Variants in HMGN5 observed in about 807,000 individuals in gnomAD.
HMGN5 encodes the protein high mobility group nucleosome-binding domain-containing protein 5.
In HMGN5, 4 loss-of-function variants were observed where a neutral mutation model predicts 9.5. That is an observed-to-expected ratio of 0.42 (90% CI 0.21 to 0.96). The LOEUF (loss-of-function observed/expected upper bound fraction) is 0.96, where lower values mean the gene tolerates loss of function less well. HMGN5 is among the 40% of genes least tolerant of loss of function. HMGN5 has a pLI of 0.30. For synonymous variants in HMGN5, 55 were observed against 57.1 expected, an observed-to-expected ratio of 0.96 and a Z score of 0.16; for missense variants, 192 against 187.5, an observed-to-expected ratio of 1.02 and a Z score of -0.14.
intron 1 of HMGN5, among the ~76,000 whole-genome samples, chrX:81,186,986 T>A (rs1405402089): frequency 8.9e-6 from 1 of 112,015 alleles, no homozygotes; most frequent in African/African-American, 3.2e-5. Context: ...ATTGTTTAAT[T>A]TCCATGTGTT....
intron 1 of HMGN5, among the ~76,000 whole-genome samples, chrX:81,174,968 A>G (rs1348626470): frequency 2.7e-5 from 3 of 111,586 alleles, no homozygotes; most frequent in Non-Finnish European, 5.7e-5. Flanking sequence ...GGGGGGAACA[A>G]CTTAGAATAA....
At chrX:81,138,208 G>T (rs1183428578) in intron 1 of HMGN5, among the ~76,000 whole-genome samples, 3 of 111,559 alleles carry the variant, frequency 2.7e-5, no homozygotes, top group African/African-American at 6.5e-5. Context: ...TAAAACTTTG[G>T]CAAACCTAAT....
intron 1 of HMGN5, among the ~76,000 whole-genome samples, chrX:81,189,713 A>G (rs766051502): frequency 5.8e-4 from 65 of 112,314 alleles, no homozygotes; most frequent in Non-Finnish European, 1.1e-3. Context: ...GTTTCTGTAG[A>G]CATAAGTTTT....
chrX:81,158,576 A>G (rs918605404), intron 1 of HMGN5, among the ~76,000 whole-genome samples: 2 of 112,433 alleles, frequency 1.8e-5, no homozygotes, highest in Non-Finnish European at 3.8e-5. Context: ...CCTTTGTCAG[A>G]TGGATAGGCT....
At chrX:81,178,293 T>A (rs998455551) in intron 1 of HMGN5, among the ~76,000 whole-genome samples, 4 of 109,858 alleles carry the variant, frequency 3.6e-5, no homozygotes, top group Non-Finnish European at 5.7e-5. Context: ...TTTGAAAAGA[T>A]CAACAAAATT....
chrX:81,115,057 T>C lies in HMGN5; in HGVS notation c.441A>G (p.Glu147=). The C allele has an allele frequency of 1.7e-6, 2 of 1,158,298 alleles. No individual in the cohort carries two copies. Among genetic ancestry groups the C allele is most frequent in the Non-Finnish European group, 2.3e-6 (2 of 870,254 alleles). ...QNEEKGEAGK[E]DKDEKGEEDG... is the part of the protein sequence containing the mutation. ...CTTCTTCCCCTTTTTCATCTTTGTC[T>C]TCTTTTCCAGCTTCCCCTTTCTCTT... The change falls in exon 7 of 7, where the codon GAA becomes GAG. Residue 147 remains glutamate (E), a synonymous_variant. Transcript: ENST00000358130.
chrX:81,150,164 A>G (rs773498507), intron 1 of HMGN5, among the ~76,000 whole-genome samples: 99 of 112,591 alleles, frequency 8.8e-4, no homozygotes, highest in African/African-American at 3.0e-3. Context: ...TTAGGTCACA[A>G]AACAAGTTTT....
chrX:81,200,327 A>C (rs1020914462), intron 1 of HMGN5, among the ~76,000 whole-genome samples: 1 of 112,202 alleles, frequency 8.9e-6, no homozygotes, highest in Non-Finnish European at 1.9e-5. Context: ...CTAGACTAGA[A>C]ATGTCATTTG....
chrX:81,148,794 AC>A (rs761403034), intron 1 of HMGN5, among the ~76,000 whole-genome samples: 8 of 111,964 alleles, frequency 7.1e-5, no homozygotes, highest in Admixed American at 9.5e-5. Flanking sequence ...AGAAAAAAAA[AC>A]AATCCCATCA....
At chrX:81,150,495 G>A (rs1425438355) in intron 1 of HMGN5, among the ~76,000 whole-genome samples, 2 of 111,720 alleles carry the variant, frequency 1.8e-5, no homozygotes, top group African/African-American at 6.5e-5. Context: ...GAACCCAGGA[G>A]GCGGAGGTTG....
chrX:81,127,222 T>C (rs1007532523), intron 1 of HMGN5, among the ~76,000 whole-genome samples: 6 of 111,854 alleles, frequency 5.4e-5, no homozygotes, highest in Non-Finnish European at 1.1e-4. Context: ...CCTTAGAAAG[T>C]TCACTAATGC....
At chrX:81,168,958 G>C (rs2075418286) in intron 1 of HMGN5, among the ~76,000 whole-genome samples, 1 of 110,546 alleles carries the variant, frequency 9.0e-6, no homozygotes, top group Middle Eastern at 4.6e-3. Context: ...AAATGAGATT[G>C]GAGTGGTTGT....
intron 1 of HMGN5, among the ~76,000 whole-genome samples, chrX:81,193,482 A>T (rs1300677655): frequency 8.9e-6 from 1 of 112,260 alleles, no homozygotes; most frequent in Non-Finnish European, 1.9e-5. Context: ...ACAAGTAGTC[A>T]CCTCTGTGCC....
chrX:81,132,661 G>A (rs1398048941), intron 1 of HMGN5, among the ~76,000 whole-genome samples: 1 of 111,387 alleles, frequency 9.0e-6, no homozygotes, highest in Non-Finnish European at 1.9e-5. Flanking sequence ...GACTGAAACT[G>A]GACCCCTTCC....
At position 81,185,556 on chromosome X, in the gene HMGN5, G is replaced by A. The variant is rs189888436; in HGVS notation, c.-124+16181C>T. Among the ~76,000 whole-genome samples, 168 of 111,686 alleles carry A rather than the reference G, an allele frequency of 1.5e-3. 2 individuals carry two copies. Among genetic ancestry groups the A allele is most frequent in the African/African-American group, 5.4e-3 (166 of 30,831 alleles). On this transcript the variant is annotated intron_variant, in intron 1 of 6. Coordinates refer to ENST00000358130, the MANE Select transcript of HMGN5 (RefSeq NM_030763.3). Reference sequence around the variant, plus strand: ...TATCAAATATAAGATTACATCATCTGCAAACAAGGATAATTTTATTTTTCT... The same window carrying A: ...TATCAAATATAAGATTACATCATCTACAAACAAGGATAATTTTATTTTTCT...
At position 81,187,753 on chromosome X, in the gene HMGN5, G is replaced by A. The variant is rs747673818; in HGVS notation, c.-124+13984C>T. ...CCTGCCATTTTATTATTTGTTTTCT[G>A]GCTGATTTGTGTTTCCTCTTTCTTC... is the stretch of plus-strand genomic sequence containing the variant. On this transcript the variant is annotated intron_variant, in intron 1 of 6. Transcript: ENST00000358130. Among the ~76,000 whole-genome samples, 8 of 110,928 alleles carry A rather than the reference G, an allele frequency of 7.2e-5. 1 individual carries two copies. The highest frequency in any genetic ancestry group is 1.3e-4 in the African/African-American group (4 of 30,508).
intron 1 of HMGN5, among the ~76,000 whole-genome samples, chrX:81,137,330 TCATAAGACA>T (rs2075314016): frequency 9.0e-6 from 1 of 111,688 alleles, no homozygotes; most frequent in Admixed American, 9.5e-5. Context: ...ATACCCAGCA[TCATAAGACA>T]CCTCAATACA....
intron 1 of HMGN5, among the ~76,000 whole-genome samples, chrX:81,142,773 C>A (rs1420673428): frequency 1.8e-5 from 2 of 111,782 alleles, no homozygotes; most frequent in Non-Finnish European, 3.8e-5. Context: ...AATAAGTAAT[C>A]ACCTGAAGGT....
chrX:81,194,458 A>G (rs1333339299), intron 1 of HMGN5, among the ~76,000 whole-genome samples: 1 of 112,186 alleles, frequency 8.9e-6, no homozygotes, highest in African/African-American at 3.2e-5. Flanking sequence ...CAGATATTCC[A>G]CAAAAGAAAA....
Sources: allele counts gnomAD v4.1 joint callset (sites outside exome capture counted in the v4.1 genomes callset), GRCh38; gene constraint gnomAD v4.1.1; transcripts MANE v1.5; gene names NCBI Gene and HGNC (gene_info 2026-07-23, HGNC 2026-07-21).